The following SNX24 variants were observed in gnomAD, a reference collection of about 807,000 sequenced individuals.
SNX24 encodes sorting nexin-24.
In SNX24, 22 loss-of-function variants were observed where a neutral mutation model predicts 28.7. That is an observed-to-expected ratio of 0.77 (90% CI 0.55 to 1.10). The LOEUF is 1.10. Among genes scored for constraint, SNX24 ranks in the 50% least tolerant of loss-of-function variants. SNX24 has a pLI of 0.00. For synonymous variants in SNX24, 69 were observed against 71.5 expected (o/e 0.96, Z 0.18); for missense variants, 221 against 201.1 (o/e 1.10, Z -0.60).
At chr5:122,922,371 G>A (rs1426812126) in intron 1 of SNX24, among the ~76,000 whole-genome samples, 1 of 152,074 alleles carries the variant, frequency 6.6e-6, no homozygotes, top group Non-Finnish European at 1.5e-5. Context: ...TCCTGCCTCA[G>A]CCTCCTGAGT....
intron 1 of SNX24, among the ~76,000 whole-genome samples, chr5:122,872,113 A>G (rs903085028): frequency 1.4e-5 from 2 of 147,950 alleles, no homozygotes; most frequent in Non-Finnish European, 3.0e-5. Flanking sequence ...CCTTCCTTTC[A>G]TCTAGTATGA....
At chr5:122,883,208 A>G (rs1477394975) in intron 1 of SNX24, among the ~76,000 whole-genome samples, 1 of 152,208 alleles carries the variant, frequency 6.6e-6, no homozygotes, top group African/African-American at 2.4e-5. Context: ...GCATGTTTCC[A>G]CAGAGGCCTT....
intron 1 of SNX24, among the ~76,000 whole-genome samples, chr5:122,887,467 C>T (rs1370149659): frequency 9.2e-5 from 14 of 152,116 alleles, no homozygotes; most frequent in Admixed American, 2.6e-4. Flanking sequence ...TCTGAGGACT[C>T]GGGTCTTTAT....
intron 3 of SNX24, among the ~76,000 whole-genome samples, chr5:122,982,726 G>C (rs439739): frequency 0.22 from 33,909 of 151,926 alleles, 4,818 homozygotes; most frequent in Non-Finnish European, 0.33. Flanking sequence ...AAGGGGGAGG[G>C]GTTTGCTTTG....
At chr5:122,875,730 T>C (rs1282526221) in intron 1 of SNX24, among the ~76,000 whole-genome samples, 3 of 152,240 alleles carry the variant, frequency 2.0e-5, no homozygotes, top group Non-Finnish European at 4.4e-5. Flanking sequence ...CCATCCTAGG[T>C]CTGAAAAGCA....
intron 1 of SNX24, among the ~76,000 whole-genome samples, chr5:122,859,859 T>A (rs154511): frequency 0.59 from 89,204 of 152,010 alleles, 26,573 homozygotes; most frequent in African/African-American, 0.67. Context: ...GCTTCTAGGC[T>A]ATAAGTGAAT....
chr5:122,919,261 A>G (rs951121175), intron 1 of SNX24, among the ~76,000 whole-genome samples: 1 of 152,222 alleles, frequency 6.6e-6, no homozygotes, highest in Non-Finnish European at 1.5e-5. Context: ...TCCGCATTTT[A>G]TGGAAGCAGA....
At chr5:122,856,618 C>T (rs1450964883) in intron 1 of SNX24, among the ~76,000 whole-genome samples, 1 of 148,198 alleles carries the variant, frequency 6.7e-6, no homozygotes, top group Admixed American at 6.9e-5. Context: ...CAGGTTCAAA[C>T]AATTCTCATG....
Position 122,889,905 on chromosome 5 carries a change from T to A in SNX24, c.60+44212T>A, listed in dbSNP as rs541460966. ...AAATTTGTCAGTTGTCCCAATAATG[T>A]CCTTGTTAGTATTTTTTTTTTTTTT... On this transcript the variant is annotated intron_variant, in intron 1 of 6. Coordinates refer to ENST00000261369, the MANE Select transcript of SNX24 (RefSeq NM_014035.4). Among the ~76,000 whole-genome samples the A allele has an allele frequency of 6.7e-4, 102 of 151,306 alleles. 1 individual carries two copies. The highest frequency in any genetic ancestry group is 1.3e-3 in the South Asian group (6 of 4,784).
At chr5:122,914,003 G>C (rs182140295) in intron 1 of SNX24, among the ~76,000 whole-genome samples, 3 of 152,142 alleles carry the variant, frequency 2.0e-5, no homozygotes, top group South Asian at 4.1e-4. Context: ...GCAGGCACTC[G>C]GCAGGCTGAG....
intron 1 of SNX24, among the ~76,000 whole-genome samples, chr5:122,868,962 C>T (rs1295515319): frequency 2.6e-5 from 4 of 152,158 alleles, no homozygotes; most frequent in Admixed American, 6.5e-5. Flanking sequence ...TGTTTTTCTT[C>T]ATTTTGTTCA....
chr5:122,950,857 C>T (rs1211923326), intron 3 of SNX24, among the ~76,000 whole-genome samples: 1 of 152,096 alleles, frequency 6.6e-6, no homozygotes, highest in African/African-American at 2.4e-5. Flanking sequence ...AAATTACCAT[C>T]AGAGAAAATG....
chr5:122,945,268 C>A (rs944602880), intron 2 of SNX24, among the ~76,000 whole-genome samples: 1 of 152,140 alleles, frequency 6.6e-6, no homozygotes, highest in African/African-American at 2.4e-5. Flanking sequence ...TTGAGCCCAC[C>A]CCAATAATCC....
At chr5:122,951,814 A>T (rs1038739559) in intron 3 of SNX24, among the ~76,000 whole-genome samples, 1 of 152,210 alleles carries the variant, frequency 6.6e-6, no homozygotes, top group African/African-American at 2.4e-5. Context: ...TGGAGGCGGG[A>T]GGCAGCCTGT....
intron 1 of SNX24, among the ~76,000 whole-genome samples, chr5:122,934,117 C>T (rs893579587): frequency 2.0e-5 from 3 of 152,060 alleles, no homozygotes; most frequent in African/African-American, 4.8e-5. Context: ...CTTCCTGGCT[C>T]GCAGGCCCTC....
At chr5:122,891,966 A>G (rs1297780850) in intron 1 of SNX24, among the ~76,000 whole-genome samples, 4 of 152,190 alleles carry the variant, frequency 2.6e-5, no homozygotes, top group Admixed American at 1.3e-4. Context: ...GTAGGGTCAA[A>G]GGCATGAATT....
chr5:123,009,651 T>C (rs371106913), downstream of SNX24, among the ~76,000 whole-genome samples: 1 of 151,044 alleles, frequency 6.6e-6, no homozygotes, highest in Non-Finnish European at 1.5e-5. Context: ...CATATCTATT[T>C]AAACTTTTAA....
intron 5 of SNX24, chr5:123,022,247 C>T (rs1393254582): frequency 2.0e-5 from 3 of 152,112 alleles, no homozygotes; most frequent in South Asian, 2.1e-4. Flanking sequence ...AGTGTTGTAG[C>T]AATTTGCAAA....
chr5:122,963,202 C>T (rs1345073634), intron 3 of SNX24, among the ~76,000 whole-genome samples: 1 of 152,142 alleles, frequency 6.6e-6, no homozygotes, highest in African/African-American at 2.4e-5. Flanking sequence ...CCACTGCACT[C>T]CAGCCTGGGT....
Sources: gnomAD v4.1 joint callset for allele counts (sites outside exome capture counted in the v4.1 genomes callset) on GRCh38, gnomAD v4.1.1 for gene constraint, MANE v1.5 for transcripts, NCBI Gene and HGNC (gene_info 2026-07-23, HGNC 2026-07-21) for gene names.